KANK2: variants seen among roughly 807,000 people sequenced by gnomAD.
KANK2 encodes KN motif and ankyrin repeat domains 2.
A neutral mutation model predicts 74.6 loss-of-function variants in KANK2; 41 were observed. The observed-to-expected ratio is 0.55, with a 90% confidence interval of 0.43 to 0.71. The LOEUF is 0.71. KANK2 is among the 30% of genes least tolerant of loss of function. The probability of loss-of-function intolerance (pLI) is 0.00; values close to 1 mark genes in which losing one functional copy is unlikely to be tolerated. For missense variants in KANK2, 1,148 were observed against 1,196.4 expected, an observed-to-expected ratio of 0.96 and a Z score of 0.60; for synonymous variants, 537 against 519.0, an observed-to-expected ratio of 1.03 and a Z score of -0.47.
intron 3 of KANK2, 34 bp from the exon 4 acceptor site, chr19:11,194,076 C>T: frequency 1.3e-6 from 2 of 1,556,252 alleles, no homozygotes; most frequent in Non-Finnish European, 1.7e-6. Flanking sequence ...ACCTTTGAAT[C>T]CTCTTGTCCC....
chr19:11,192,793 C>CAA, intron 4 of KANK2, 38 bp downstream of exon 4: 1 of 1,576,256 alleles, frequency 6.3e-7, no homozygotes, highest in Non-Finnish European at 8.7e-7. Flanking sequence ...GCCCCCCCCC[C>CAA]CCAAGCCATT....
At chr19:11,175,292 G>T (rs2147435535) in intron 8 of KANK2, among the ~76,000 whole-genome samples, 2 of 151,684 alleles carry the variant, frequency 1.3e-5, no homozygotes, top group Middle Eastern at 3.4e-3. Flanking sequence ...GCCAGACGTG[G>T]TGGCACATGC....
chr19:11,188,303 G>A (rs7247778), intron 4 of KANK2, among the ~76,000 whole-genome samples: 3,147 of 151,724 alleles, frequency 0.021, 111 homozygotes, highest in African/African-American at 0.072. Flanking sequence ...CCGCCTCCCC[G>A]GTTCAAGCGA....
intron 7 of KANK2, 70 bp from the exon 8 acceptor site, chr19:11,176,059 C>A: frequency 8.3e-7 from 1 of 1,202,652 alleles, no homozygotes; most frequent in South Asian, 1.3e-5. Flanking sequence ...ACTTGACATT[C>A]TGCACCACGT....
rs778525548 is a variant in KANK2, at chr19:11,193,453, G to A, written c.627C>T (p.Ile209=). ...CCGAGAGCTTCACCTGGAGCACAGG[G>A]ATCAGCTTCACCTGCTCCTCCAGCT... The part of the protein sequence containing the change: ...LRQLEEQVKL[I]PVLQVKLSVL... Residue 209 remains isoleucine, a synonymous_variant, in exon 4 of 13, where the codon ATC becomes ATT. Coordinates refer to ENST00000586659, the MANE Select transcript of KANK2 (RefSeq NM_001136191.3). The surrounding 1 kb of genome is among the most constrained non-coding windows in gnomAD (Gnocchi z 9.6). 11 of 1,612,080 alleles carry A rather than the reference G, an allele frequency of 6.8e-6. No individual in the cohort carries two copies. Among genetic ancestry groups the A allele is most frequent in the Admixed American group, 1.7e-5 (1 of 60,008 alleles).
At chr19:11,176,470 G>T in intron 7 of KANK2, 108 bp downstream of exon 7, 1 of 1,272,474 alleles carries the variant, frequency 7.9e-7, no homozygotes, top group Non-Finnish European at 1.1e-6. Flanking sequence ...AGACTAAAGT[G>T]TGCATGACTG....
intron 4 of KANK2, among the ~76,000 whole-genome samples, chr19:11,180,328 C>A (rs2078478131): frequency 6.6e-6 from 1 of 152,060 alleles, no homozygotes; most frequent in Non-Finnish European, 1.5e-5. Flanking sequence ...CTCCAGAGCG[C>A]AAGGGATCCT....
chr19:11,183,560 C>T (rs2078589546), intron 4 of KANK2, among the ~76,000 whole-genome samples: 2 of 152,216 alleles, frequency 1.3e-5, no homozygotes, highest in Non-Finnish European at 2.9e-5. Flanking sequence ...GTGATCACAG[C>T]TCATTCCAGC....
intron 10 of KANK2, among the ~76,000 whole-genome samples, chr19:11,172,335 A>G (rs569881362): frequency 6.6e-6 from 1 of 152,336 alleles, no homozygotes; most frequent in East Asian, 1.9e-4. Flanking sequence ...ACAAAATTAA[A>G]TCAATAAAGA....
At position 11,193,140 on chromosome 19, in the gene KANK2, G is replaced by C; in HGVS notation, c.940C>G (p.Gln314Glu). 1 of 1,607,438 alleles carries C rather than the reference G, an allele frequency of 6.2e-7. No homozygotes were observed. Among genetic ancestry groups the C allele is most frequent in the Non-Finnish European group, 8.5e-7 (1 of 1,176,924 alleles). ...TCCGGCGGTGGCCAGGCCTGGGGCT[G>C]GGGGTCAGCCTGCCGGGCCTGAGCT... ...QAAQARQADP[Q>E]PQAWPPPDSP... The change falls in exon 4 of 13, where the codon CAG (glutamine) becomes GAG (glutamate). Residue 314 changes from glutamine (Q) to glutamate (E), a missense_variant. Physicochemically the swap from Gln to Glu is conservative, Grantham distance 29. Coordinates refer to ENST00000586659, the MANE Select transcript of KANK2 (RefSeq NM_001136191.3). This position sits in a 1 kb window ranked among gnomAD's most constrained non-coding sequence, Gnocchi z 9.6.
chr19:11,167,747 C>G (rs1354095727), intron 12 of KANK2, among the ~76,000 whole-genome samples: 1 of 151,450 alleles, frequency 6.6e-6, no homozygotes, highest in African/African-American at 2.4e-5. Context: ...AGGCTGGTCT[C>G]GAACTCCTGA....
chr19:11,192,440 T>C, intron 4 of KANK2: 1 of 193,240 alleles, frequency 5.2e-6, no homozygotes, highest in South Asian at 9.8e-5. Context: ...TCTTTTTTTT[T>C]TTTTTTTTTT....
In KANK2 at chr19:11,174,630, G is replaced by A. The variant is rs777617056; in HGVS notation, c.1911C>T (p.His637=). ...WLRLACRSDA[H]PELVRRHLVT... ...CCAGGTGCCGCCGCACCAGCTCGGG[G>A]TGTGCGTCGCTGCGGCAGGCCAGGC... is the stretch of plus-strand genomic sequence containing the variant. The change falls in exon 9 of 13, where the codon CAC becomes CAT. Residue 637 remains histidine, a synonymous_variant. Coordinates refer to ENST00000586659, the MANE Select transcript of KANK2 (RefSeq NM_001136191.3). 2.0e-5 allele frequency: 33 copies of A among 1,612,024 alleles called. No homozygotes were observed. Among genetic ancestry groups the A allele is most frequent in the Non-Finnish European group, 2.4e-5 (28 of 1,179,554 alleles).
intron 4 of KANK2, among the ~76,000 whole-genome samples, chr19:11,191,328 T>C (rs556234506): frequency 1.3e-5 from 2 of 152,294 alleles, no homozygotes; most frequent in South Asian, 4.2e-4. Context: ...CGTGAGCCAC[T>C]GCGCCCGGCC....
rs372628103 is a variant in KANK2, at chr19:11,166,623, A to C, written c.2503-12T>G. ...GACATTGGGGCAAACTGAAACAGAG[A>C]AGCAGAATTCTTTTTGTTTGGGATC... On this transcript the variant is annotated splice_polypyrimidine_tract_variant and intron_variant, in intron 12 of 12. Transcript: ENST00000586659. 49 of 1,613,874 alleles carry C rather than the reference A, an allele frequency of 3.0e-5. No homozygotes were observed. Among genetic ancestry groups the C allele is most frequent in the Non-Finnish European group, 4.2e-5 (49 of 1,179,880 alleles).
At position 11,193,948 on chromosome 19, in the gene KANK2, C is replaced by G; in HGVS notation, c.132G>C (p.Leu44=). ...TGTCATCCACGTACTTGAGGAAGTC[C>G]AGGTCCAGGCGGTAGCCATAGGGGG... ...VETPYGYRLD[L]DFLKYVDDIE... The change falls in exon 4 of 13, where the codon CTG becomes CTC. Residue 44 remains leucine (L), a synonymous_variant. Transcript: ENST00000586659. The surrounding 1 kb of genome is among the most constrained non-coding windows in gnomAD (Gnocchi z 9.6). The G allele has an allele frequency of 6.2e-7, 1 of 1,614,058 alleles. No individual in the cohort carries two copies. The highest frequency in any genetic ancestry group is 8.5e-7 in the Non-Finnish European group (1 of 1,180,010).
chr19:11,181,088 CAAAAAAAAAAAAAAA>C (rs752985367), intron 4 of KANK2, among the ~76,000 whole-genome samples: 2 of 24,112 alleles, frequency 8.3e-5, no homozygotes, highest in Admixed American at 4.7e-4. Context: ...CTCTTGTCTC[CAAAAAAAAAAAAAAA>C]AAAAAAAAAA....
chr19:11,180,189 C>T (rs1253394797), intron 4 of KANK2, among the ~76,000 whole-genome samples: 1 of 152,158 alleles, frequency 6.6e-6, no homozygotes, highest in East Asian at 1.9e-4. Flanking sequence ...TCGGGGGTTC[C>T]CCTTCCTGTC....
intron 6 of KANK2, 100 bp downstream of exon 6, chr19:11,178,245 G>A (rs2078401099): frequency 9.4e-7 from 1 of 1,068,746 alleles, no homozygotes; most frequent in Non-Finnish European, 1.3e-6. Context: ...ATTAACCAAA[G>A]CAAGGAGCTC....
Sources: allele counts gnomAD v4.1 joint callset (sites outside exome capture counted in the v4.1 genomes callset), GRCh38; gene constraint gnomAD v4.1.1; non-coding constraint Gnocchi (gnomAD v3.1); transcripts MANE v1.5; gene names NCBI Gene and HGNC (gene_info 2026-07-23, HGNC 2026-07-21).